Variants in WRN observed in about 807,000 individuals in gnomAD.
WRN encodes WRN RecQ like helicase.
In WRN, 149 loss-of-function variants were observed where a neutral mutation model predicts 180.7. The observed-to-expected ratio is 0.82, with a 90% CI of 0.72 to 0.94. WRN has a LOEUF of 0.94. Ranked by LOEUF, WRN falls within the 40% of genes least tolerant of loss-of-function variation. The pLI, the probability that WRN is intolerant of heterozygous loss-of-function variation, is 0.00. For missense variants in WRN, 1,661 were observed against 1,700.1 expected (o/e 0.98, Z 0.40); for synonymous variants, 548 against 568.9 (o/e 0.96, Z 0.52).
At chr8:31,080,274 T>G (rs11574218) in intron 8 of WRN, among the ~76,000 whole-genome samples, 79,731 of 152,032 alleles carry the variant, frequency 0.52, 22,706 homozygotes, top group Middle Eastern at 0.63. Flanking sequence ...GCCAGCTCTT[T>G]GGAGTTCTGC....
At chr8:31,112,776 C>T (rs916861411) in intron 19 of WRN, among the ~76,000 whole-genome samples, 9 of 152,042 alleles carry the variant, frequency 5.9e-5, no homozygotes, top group Non-Finnish European at 8.8e-5. Context: ...TTAGTGGAGA[C>T]GGGGTTTCAC....
chr8:31,134,207 T>C (rs1453970217), intron 24 of WRN, among the ~76,000 whole-genome samples: 3 of 152,214 alleles, frequency 2.0e-5, no homozygotes, highest in Admixed American at 6.5e-5. Flanking sequence ...ATTATCGTTA[T>C]AATTCCTTTG....
intron 18 of WRN, among the ~76,000 whole-genome samples, chr8:31,107,839 A>G (rs535632628): frequency 1.3e-5 from 2 of 152,372 alleles, no homozygotes; most frequent in African/African-American, 4.8e-5. Context: ...AAAGTTCTTT[A>G]CATTTCAAGT....
At chr8:31,090,777 G>T (rs909792273) in intron 14 of WRN, 57 bp from the exon 15 acceptor site, 5 of 1,396,398 alleles carry the variant, frequency 3.6e-6, no homozygotes, top group Non-Finnish European at 3.9e-6. Context: ...AGCATCAAAG[G>T]TTTATTTTTA....
At chr8:31,093,793 C>G (rs1352002893) in intron 16 of WRN, among the ~76,000 whole-genome samples, 1 of 152,162 alleles carries the variant, frequency 6.6e-6, no homozygotes, top group Non-Finnish European at 1.5e-5. Flanking sequence ...TGCTGAGCTC[C>G]TTCCTGTTAC....
intron 18 of WRN, among the ~76,000 whole-genome samples, chr8:31,108,461 T>C (rs544595198): frequency 9.9e-5 from 15 of 152,036 alleles, no homozygotes; most frequent in African/African-American, 3.4e-4. Context: ...TCATTAATTT[T>C]TATTTATTTA....
At chr8:31,061,799 A>G (rs1034726436) in intron 3 of WRN, among the ~76,000 whole-genome samples, 2 of 152,120 alleles carry the variant, frequency 1.3e-5, no homozygotes, top group African/African-American at 4.8e-5. Context: ...TCAGAACGTT[A>G]ATGCCTCTTA....
rs75013855 is a variant in WRN, at chr8:31,164,932, C to T, written c.3983-2090C>T. The stretch of plus-strand genomic sequence containing the variant: ...GCCACTTATTTGCATATATATAAAA[C>T]GCAGGATGAATTTACCATAGAAATA... On this transcript the variant is annotated intron_variant, in intron 33 of 34. Transcript: ENST00000298139. Among the ~76,000 whole-genome samples, 713 of 152,074 alleles carry T rather than the reference C, an allele frequency of 4.7e-3. 4 individuals carry two copies. The highest frequency in any genetic ancestry group is 8.3e-3 in the Non-Finnish European group (562 of 67,934).
In WRN at chr8:31,149,065, A is replaced by G. The variant is rs551019101; in HGVS notation, c.3573-1276A>G. Among the ~76,000 whole-genome samples the G allele has an allele frequency of 7.9e-5, 12 of 152,344 alleles. No homozygotes were observed. In the East Asian group the frequency reaches 2.1e-3, roughly 27 times the overall value. ...GAGTGCAGAATTTTCTAATGACATTACACAGTGCTACATCTGACACTAATT... is the reference window on the plus strand; with the variant it reads ...GAGTGCAGAATTTTCTAATGACATTGCACAGTGCTACATCTGACACTAATT... On this transcript the variant is annotated intron_variant, in intron 30 of 34. Coordinates refer to ENST00000298139, the MANE Select transcript of WRN (RefSeq NM_000553.6).
intron 24 of WRN, among the ~76,000 whole-genome samples, chr8:31,134,641 T>A (rs1382197868): frequency 6.6e-6 from 1 of 152,242 alleles, no homozygotes; most frequent in Non-Finnish European, 1.5e-5. Context: ...TTAATTTACA[T>A]AACTGACAGA....
intron 24 of WRN, among the ~76,000 whole-genome samples, chr8:31,138,838 G>A (rs1012035337): frequency 6.6e-6 from 1 of 152,098 alleles, no homozygotes; most frequent in African/African-American, 2.4e-5. Flanking sequence ...TAAGTCCAAT[G>A]TATAGGCACT....
intron 1 of WRN, among the ~76,000 whole-genome samples, chr8:31,040,700 G>GT (rs1012921184): frequency 2.0e-5 from 3 of 152,122 alleles, no homozygotes; most frequent in African/African-American, 7.2e-5. Context: ...GAGTGGAGTG[G>GT]TTACAGTGGG....
intron 33 of WRN, among the ~76,000 whole-genome samples, 179 bp from the exon 34 acceptor site, chr8:31,166,843 C>G (rs775535025): frequency 6.6e-6 from 1 of 152,008 alleles, no homozygotes; most frequent in African/African-American, 2.4e-5. Context: ...AGGTGATACC[C>G]GAGTGGAGTT....
At chr8:31,113,621 ACT>A (rs913036533) in intron 19 of WRN, among the ~76,000 whole-genome samples, 1 of 151,606 alleles carries the variant, frequency 6.6e-6, no homozygotes, top group Non-Finnish European at 1.5e-5. Context: ...TTATAATAAC[ACT>A]CTCTATGGCA....
chr8:31,080,892 T>C lies in WRN; in HGVS notation c.865T>C (p.Ser289Pro). The C allele has an allele frequency of 6.2e-7, 1 of 1,608,292 alleles. No homozygotes were observed. Among genetic ancestry groups the C allele is most frequent in the Non-Finnish European group, 8.5e-7 (1 of 1,178,568 alleles). ...GGTTTCTATCTTACTAAAGGATATT[T>C]CAGAAAATCTATATTCACTGAGGAG... Reference protein sequence around the residue: ...RRVSILLKDISENLYSLRRMI... With the variant: ...RRVSILLKDIPENLYSLRRMI... Residue 289 changes from serine (S) to proline (P), a missense_variant, in exon 9 of 35, where the codon TCA (serine) becomes CCA (proline). By Grantham distance (74) the Ser-to-Pro change is moderately conservative. Around this residue, in one of 3 missense-constraint regions of WRN, gnomAD observed 500 missense variants for 504.1 expected, o/e 0.99. Coordinates refer to ENST00000298139, the MANE Select transcript of WRN (RefSeq NM_000553.6).
At chr8:31,046,421 A>G (rs1280509873) in intron 1 of WRN, among the ~76,000 whole-genome samples, 1 of 152,150 alleles carries the variant, frequency 6.6e-6, no homozygotes, top group East Asian at 1.9e-4. Flanking sequence ...AGGGAGGATT[A>G]AGAAAGAGGA....
Position 31,088,921 on chromosome 8 carries a change from A to G in WRN, c.1608A>G (p.Gln536=), listed in dbSNP as rs540506828. ...DFLWPAPNEE[Q]VTCLKMYFGH... Reference sequence around the variant, plus strand: ...TGTGGCCAGCACCCAATGAAGAGCAAGTTACTTGCCTCAAGATGTACTTTG... The same window carrying G: ...TGTGGCCAGCACCCAATGAAGAGCAGGTTACTTGCCTCAAGATGTACTTTG... The change falls in exon 13 of 35, where the codon CAA becomes CAG. Residue 536 remains glutamine (Q), a synonymous_variant. Coordinates refer to ENST00000298139, the MANE Select transcript of WRN (RefSeq NM_000553.6). 4 of 1,611,708 alleles carry G rather than the reference A, an allele frequency of 2.5e-6. No individual in the cohort carries two copies. Among genetic ancestry groups the G allele is most frequent in the East Asian group, 2.2e-5 (1 of 44,790 alleles).
chr8:31,147,270 C>G, intron 29 of WRN, 94 bp from the exon 30 acceptor site: 2 of 1,466,600 alleles, frequency 1.4e-6, no homozygotes, highest in South Asian at 1.2e-5. Flanking sequence ...TATATTCATT[C>G]TAAGGAAAAA....
chr8:31,040,796 A>G (rs983849423), intron 1 of WRN, among the ~76,000 whole-genome samples: 1 of 152,230 alleles, frequency 6.6e-6, no homozygotes, highest in African/African-American at 2.4e-5. Flanking sequence ...GGAGAATAAT[A>G]ATGGAGCAGT....
Sources: allele counts gnomAD v4.1 joint callset (sites outside exome capture counted in the v4.1 genomes callset), GRCh38; gene constraint gnomAD v4.1.1; regional missense constraint gnomAD v4.1.1; transcripts MANE v1.5; gene names NCBI Gene and HGNC (gene_info 2026-07-23, HGNC 2026-07-21).